WWC1: variants seen among roughly 807,000 people sequenced by gnomAD.
The protein encoded by WWC1 is WW and C2 domain containing 1.
WWC1 carries 55 observed loss-of-function variants against 138.4 expected under a neutral mutation model. That is an observed-to-expected ratio of 0.40 (90% CI 0.32 to 0.50). The LOEUF is 0.50. Among genes scored for constraint, WWC1 ranks in the 20% least tolerant of loss-of-function variants. WWC1 has a pLI of 0.72. For missense variants in WWC1, 1,226 were observed against 1,420.4 expected, an observed-to-expected ratio of 0.86 and a Z score of 2.20; for synonymous variants, 524 against 564.9, an observed-to-expected ratio of 0.93 and a Z score of 1.03.
In WWC1 at chr5:168,405,669, C is replaced by T. The variant is rs371534691; in HGVS notation, c.591-529C>T. Among the ~76,000 whole-genome samples, 78 of 151,434 alleles carry T rather than the reference C, an allele frequency of 5.2e-4. 1 individual carries two copies. In the South Asian group the frequency reaches 0.011, roughly 21 times the overall value. ...ATGAGCAGTGTTGCTTCTGCAGCCA[C>T]ACACGTTGGCCGTTTAACAGGGACT... is the stretch of plus-strand genomic sequence containing the variant. On this transcript the variant is annotated intron_variant, in intron 5 of 22. Transcript: ENST00000265293.
At chr5:168,300,372 G>A (rs995879875) in intron 1 of WWC1, among the ~76,000 whole-genome samples, 1 of 152,008 alleles carries the variant, frequency 6.6e-6, no homozygotes, top group African/African-American at 2.4e-5. Context: ...GGAAGAGGGG[G>A]TGGAGCAGAG....
At chr5:168,346,950 C>G (rs1774524952) in intron 1 of WWC1, among the ~76,000 whole-genome samples, 1 of 152,114 alleles carries the variant, frequency 6.6e-6, no homozygotes. Flanking sequence ...GTCTTAGGGT[C>G]TTGCTCATGC....
At chr5:168,452,441 G>A (rs139695357) in intron 17 of WWC1, among the ~76,000 whole-genome samples, 120 of 152,274 alleles carry the variant, frequency 7.9e-4, no homozygotes, top group African/African-American at 2.8e-3. Context: ...CCAGGGATGC[G>A]CATGCACAGA....
intron 2 of WWC1, among the ~76,000 whole-genome samples, chr5:168,383,021 C>A (rs1777763566): frequency 6.6e-6 from 1 of 151,678 alleles, no homozygotes; most frequent in Non-Finnish European, 1.5e-5. Flanking sequence ...ACTAAAAATA[C>A]AAAAATTAGC....
intron 9 of WWC1, 65 bp from the exon 10 acceptor site, chr5:168,421,943 A>C: frequency 4.3e-6 from 6 of 1,408,602 alleles, no homozygotes; most frequent in South Asian, 1.2e-5. Flanking sequence ...CTGGGTGTAC[A>C]TGGGTAAGAG....
intron 1 of WWC1, among the ~76,000 whole-genome samples, chr5:168,359,034 GT>G (rs1418531885): frequency 5.3e-3 from 36 of 6,834 alleles, no homozygotes; most frequent in South Asian, 6.1e-3. Flanking sequence ...TGGTGGTGGG[GT>G]GTGTGTGTGT....
At chr5:168,466,431 C>T (rs1037648884) in intron 21 of WWC1, among the ~76,000 whole-genome samples, 1 of 152,334 alleles carries the variant, frequency 6.6e-6, no homozygotes, top group African/African-American at 2.4e-5. Context: ...ACACAGCCAG[C>T]CTTGCTGAGA....
intron 8 of WWC1, among the ~76,000 whole-genome samples, chr5:168,412,744 A>C (rs1780325786): frequency 6.6e-6 from 1 of 150,632 alleles, no homozygotes; most frequent in Non-Finnish European, 1.5e-5. Flanking sequence ...AAAAAACAAT[A>C]CAAATTTTTA....
At chr5:168,363,583 A>G (rs867244920) in intron 1 of WWC1, among the ~76,000 whole-genome samples, 3 of 148,016 alleles carry the variant, frequency 2.0e-5, no homozygotes, top group Non-Finnish European at 3.0e-5. Context: ...CCAGGAAGGG[A>G]GGTGATAGAA....
chr5:168,450,103 A>G (rs1257351986), intron 17 of WWC1, among the ~76,000 whole-genome samples: 4 of 152,222 alleles, frequency 2.6e-5, no homozygotes, highest in African/African-American at 7.2e-5. Context: ...GCTTTTGGCT[A>G]GGATTCTTTT....
intron 1 of WWC1, among the ~76,000 whole-genome samples, chr5:168,297,278 G>T (rs1769619539): frequency 6.6e-6 from 1 of 152,160 alleles, no homozygotes. Flanking sequence ...ACCCAATTTT[G>T]CAGCTGGAGT....
chr5:168,451,642 C>T (rs1022636517), intron 17 of WWC1, among the ~76,000 whole-genome samples: 6 of 152,018 alleles, frequency 3.9e-5, no homozygotes, highest in East Asian at 1.9e-4. Flanking sequence ...GAGTTCAAGG[C>T]GACAGTGAGC....
rs1376789240 is a variant in WWC1 at position 168,428,066 on chromosome 5, T to C, written c.1844T>C (p.Val615Ala). The change falls in exon 12 of 23, where the codon GTG (valine) becomes GCG (alanine). Residue 615 changes from valine to alanine, a missense_variant. Physicochemically the swap from Val to Ala is moderately conservative, Grantham distance 64. Around this residue, in one of 3 missense-constraint regions of WWC1, gnomAD observed 1,016 missense variants for 1,153.9 expected, o/e 0.88. Transcript: ENST00000265293. The part of the protein sequence containing the change: ...VNTAQGCGLK[V>A]ACVSAAVSDE... The stretch of plus-strand genomic sequence containing the variant: ...ACGGCCCAGGGGTGTGGCCTGAAAG[T>C]GGCCTGTGTCTCAGCCGCCGTATCG... 2 of 1,613,544 alleles carry C rather than the reference T, an allele frequency of 1.2e-6. No homozygotes were observed. The highest frequency in any genetic ancestry group is 1.7e-6 in the Non-Finnish European group (2 of 1,179,752).
At chr5:168,438,685 C>T (rs1457075227) in intron 15 of WWC1, among the ~76,000 whole-genome samples, 2 of 151,946 alleles carry the variant, frequency 1.3e-5, no homozygotes, top group African/African-American at 4.8e-5. Flanking sequence ...GGAAGGTGAG[C>T]TGACCACCTT....
intron 1 of WWC1, among the ~76,000 whole-genome samples, chr5:168,337,839 G>A (rs1158245105): frequency 1.3e-5 from 2 of 152,222 alleles, no homozygotes; most frequent in Non-Finnish European, 2.9e-5. Flanking sequence ...TTAAACTGGG[G>A]TCTGCAAACC....
At chr5:168,382,929 A>G (rs1184238963) in intron 2 of WWC1, among the ~76,000 whole-genome samples, 1 of 152,144 alleles carries the variant, frequency 6.6e-6, no homozygotes, top group South Asian at 2.1e-4. Context: ...TAATCCCACC[A>G]CTTTGGGAGG....
chr5:168,325,175 T>C (rs1298910205), intron 1 of WWC1, among the ~76,000 whole-genome samples: 1 of 152,216 alleles, frequency 6.6e-6, no homozygotes, highest in African/African-American at 2.4e-5. Context: ...CCTTGTCCTC[T>C]GAGATGGCAG....
At chr5:168,456,502 A>G (rs987236572) in intron 19 of WWC1, among the ~76,000 whole-genome samples, 1 of 152,008 alleles carries the variant, frequency 6.6e-6, no homozygotes, top group Non-Finnish European at 1.5e-5. Flanking sequence ...ATGGTGGCAC[A>G]TGCTTGTAAT....
rs758480535 is a variant in WWC1 at position 168,424,027 on chromosome 5, G to A, written c.1769G>A (p.Arg590Gln). 2.0e-5 allele frequency: 33 copies of A among 1,611,808 alleles called. 1 individual carries two copies. The highest frequency in any genetic ancestry group is 1.3e-4 in the East Asian group (6 of 44,886). ...SLGNSAQERYRLEEPGTEGKQ... is the reference protein window; with the variant it reads ...SLGNSAQERYQLEEPGTEGKQ... Reference sequence around the variant, plus strand: ...GGTAACAGCGCCCAGGAAAGATACCGGCTGGAGGAACCAGGAACGGAGGGC... The same window carrying A: ...GGTAACAGCGCCCAGGAAAGATACCAGCTGGAGGAACCAGGAACGGAGGGC... Residue 590 changes from arginine (R) to glutamine (Q), a missense_variant, in exon 11 of 23, where the codon CGG becomes CAG. By Grantham distance (43) the Arg-to-Gln change is conservative. This residue lies in a region of WWC1 where 1,016 missense variants were observed against 1,153.9 expected (regional missense o/e 0.88). Transcript: ENST00000265293.
Sources: gnomAD v4.1 joint callset for allele counts (sites outside exome capture counted in the v4.1 genomes callset) on GRCh38, gnomAD v4.1.1 for gene constraint, gnomAD v4.1.1 regional missense constraint, MANE v1.5 for transcripts, NCBI Gene and HGNC (gene_info 2026-07-23, HGNC 2026-07-21) for gene names.